Variants in TMTC2 observed in about 807,000 individuals in gnomAD.
TMTC2 encodes transmembrane O-mannosyltransferase targeting cadherins 2, also known as protein O-mannosyl-transferase TMTC2.
In TMTC2, 43 loss-of-function variants were observed where a neutral mutation model predicts 82.4. The observed-to-expected ratio is 0.52, with a 90% CI of 0.41 to 0.67. The LOEUF is 0.67. TMTC2 is among the 30% of genes least tolerant of loss of function. The probability of loss-of-function intolerance (pLI) is 0.00; values close to 1 mark genes in which losing one functional copy is unlikely to be tolerated. For missense variants in TMTC2, 919 were observed against 1,012.4 expected (o/e 0.91, Z 1.25); for synonymous variants, 408 against 381.9 (o/e 1.07, Z -0.80).
At chr12:82,748,744 G>C (rs939125218) in intron 1 of TMTC2, among the ~76,000 whole-genome samples, 1 of 152,152 alleles carries the variant, frequency 6.6e-6, no homozygotes, top group Non-Finnish European at 1.5e-5. Context: ...GGGTGTGGTG[G>C]TGCATGCCTG....
chr12:83,061,017 C>G (rs1240016927), intron 10 of TMTC2, among the ~76,000 whole-genome samples: 1 of 151,752 alleles, frequency 6.6e-6, no homozygotes, highest in Non-Finnish European at 1.5e-5. Flanking sequence ...CTTAAATCGG[C>G]AGGAAACAAG....
intron 1 of TMTC2, among the ~76,000 whole-genome samples, chr12:82,800,300 T>C (rs1878930582): frequency 6.6e-6 from 1 of 152,126 alleles, no homozygotes. Context: ...CTTGCAGATA[T>C]TGGGAAACAG....
intron 1 of TMTC2, among the ~76,000 whole-genome samples, chr12:82,768,743 T>C (rs1447962057): frequency 5.3e-5 from 8 of 152,112 alleles, no homozygotes; most frequent in Admixed American, 5.2e-4. Context: ...TGTATACTTA[T>C]TGGTCATTAC....
intron 1 of TMTC2, among the ~76,000 whole-genome samples, chr12:82,731,224 A>G (rs1390183909): frequency 1.3e-5 from 2 of 152,276 alleles, no homozygotes; most frequent in African/African-American, 4.8e-5. Flanking sequence ...TTTGCTGTGT[A>G]ATGTGTAGCA....
intron 2 of TMTC2, among the ~76,000 whole-genome samples, chr12:82,893,771 G>T (rs1048824659): frequency 2.6e-5 from 4 of 152,034 alleles, no homozygotes; most frequent in Admixed American, 6.6e-5. Flanking sequence ...AACCCTAAAT[G>T]AATTACAAAC....
intron 1 of TMTC2, among the ~76,000 whole-genome samples, chr12:82,703,741 TC>T (rs1477370926): frequency 2.0e-5 from 3 of 151,964 alleles, no homozygotes; most frequent in African/African-American, 7.2e-5. Flanking sequence ...CCCTCCTCGG[TC>T]CCCCAAAGTG....
chr12:82,984,733 T>C (rs1198601550), intron 7 of TMTC2, among the ~76,000 whole-genome samples: 1 of 152,134 alleles, frequency 6.6e-6, no homozygotes. Flanking sequence ...ATATAAATTA[T>C]CTTAAATACA....
intron 11 of TMTC2, among the ~76,000 whole-genome samples, chr12:83,077,966 C>A (rs533743879): frequency 6.6e-6 from 1 of 151,194 alleles, no homozygotes; most frequent in Non-Finnish European, 1.5e-5. Flanking sequence ...TTTCCTCCCC[C>A]CCACAATACC....
chr12:82,882,927 G>A (rs541959066), intron 2 of TMTC2, among the ~76,000 whole-genome samples: 2 of 151,938 alleles, frequency 1.3e-5, no homozygotes, highest in South Asian at 4.2e-4. Context: ...GTGGTGGCGT[G>A]TGCCTATGAT....
In TMTC2 at chr12:82,896,575, C is replaced by G. The variant is rs776775154; in HGVS notation, c.1412C>G (p.Ala471Gly). 26 of 1,613,940 alleles carry G rather than the reference C, an allele frequency of 1.6e-5. No homozygotes were observed. Among genetic ancestry groups the G allele is most frequent in the Non-Finnish European group, 2.2e-5 (26 of 1,179,994 alleles). The stretch of plus-strand genomic sequence containing the variant: ...ATTGTTTTTTATGGACTCAAGACTG[C>G]GATCAGGAATGGAGACTGGCAGAAT... ...TLIVFYGLKT[A>G]IRNGDWQNEE... is the part of the protein sequence containing the mutation. The change falls in exon 3 of 12, where the codon GCG (alanine) becomes GGG (glycine). Residue 471 changes from alanine to glycine, a missense_variant. Ala to Gly is a moderately conservative substitution (Grantham distance 60). Coordinates refer to ENST00000321196, the MANE Select transcript of TMTC2 (RefSeq NM_152588.3).
chr12:82,908,196 A>G (rs907525334), intron 3 of TMTC2, among the ~76,000 whole-genome samples: 11 of 152,188 alleles, frequency 7.2e-5, no homozygotes, highest in African/African-American at 2.4e-4. Context: ...ATAAGTATGC[A>G]TATACATCAT....
chr12:82,734,575 C>T (rs919134813), intron 1 of TMTC2, among the ~76,000 whole-genome samples: 2 of 152,094 alleles, frequency 1.3e-5, no homozygotes, highest in African/African-American at 4.8e-5. Context: ...TCATAGGGAC[C>T]CTTTTGCCAT....
intron 2 of TMTC2, among the ~76,000 whole-genome samples, chr12:82,876,069 A>ATGGTGGTGGTGG (rs1244436181): frequency 9.8e-6 from 1 of 102,226 alleles, no homozygotes; most frequent in Non-Finnish European, 1.8e-5. Flanking sequence ...GGTGGTGGTG[A>ATGGTGGTGGTGG]TGATGATGAT....
In TMTC2 at chr12:83,115,734, T is replaced by C. The variant is rs558743474; in HGVS notation, c.2332-16476T>C. Among the ~76,000 whole-genome samples, 10 of 152,250 alleles carry C rather than the reference T, an allele frequency of 6.6e-5. No homozygotes were observed. The South Asian group carries it at 2.1e-3, about 32-fold the overall frequency. On this transcript the variant is annotated intron_variant, in intron 11 of 11. Transcript: ENST00000321196. ...TTTTTAGTGGTGATTTGTGAGATAC[T>C]GGTGCAACCATCACCCGGGCAGTAT...
rs150711733 is a variant in TMTC2 at position 83,032,189 on chromosome 12, T to C, written c.2152+1310T>C. Among the ~76,000 whole-genome samples the C allele has an allele frequency of 1.3e-3, 200 of 150,180 alleles. 1 individual carries two copies. The highest frequency in any genetic ancestry group is 4.5e-3 in the African/African-American group (184 of 40,904). On this transcript the variant is annotated intron_variant, in intron 9 of 11. Transcript: ENST00000321196. ...CCCACTATCTGCTGTCTGCATTTCA[T>C]TTGCCTCATACTGATTCTACTTACT...
intron 1 of TMTC2, among the ~76,000 whole-genome samples, chr12:82,801,838 T>TA (rs1284273571): frequency 6.6e-6 from 1 of 152,112 alleles, no homozygotes; most frequent in Non-Finnish European, 1.5e-5. Flanking sequence ...AACCCTGAGC[T>TA]AGACGCAGGG....
chr12:82,712,329 C>T (rs555317984), intron 1 of TMTC2, among the ~76,000 whole-genome samples: 13 of 149,636 alleles, frequency 8.7e-5, no homozygotes, highest in African/African-American at 3.2e-4. Context: ...ACTCGGGAGG[C>T]TGAGGTAGGA....
intron 3 of TMTC2, among the ~76,000 whole-genome samples, chr12:82,905,977 A>G (rs1273015714): frequency 6.6e-6 from 1 of 151,480 alleles, no homozygotes; most frequent in East Asian, 1.9e-4. Context: ...GGAAAAAGAG[A>G]GAGTCAAAAT....
At chr12:82,760,175 A>T (rs977295243) in intron 1 of TMTC2, 1 of 14,426 alleles carries the variant, frequency 6.9e-5, no homozygotes, top group African/African-American at 7.7e-5. Flanking sequence ...AAAGAAAATA[A>T]TTGGGGTTAT....
Sources: allele counts gnomAD v4.1 joint callset (sites outside exome capture counted in the v4.1 genomes callset), GRCh38; gene constraint gnomAD v4.1.1; transcripts MANE v1.5; gene names NCBI Gene and HGNC (gene_info 2026-07-23, HGNC 2026-07-21).